The following RYR2 variants were observed in gnomAD, a reference collection of about 807,000 sequenced individuals.
RYR2 encodes the protein ryanodine receptor 2.
RYR2 carries 227 observed loss-of-function variants against 601.1 expected under a neutral mutation model. That is an observed-to-expected ratio of 0.38 (90% CI 0.34 to 0.42). The LOEUF (loss-of-function observed/expected upper bound fraction) is 0.42, where lower values mean the gene tolerates loss of function less well. Ranked by LOEUF, RYR2 falls within the 10% of genes least tolerant of loss-of-function variation. The pLI is 1.00. For synonymous variants in RYR2, 2,223 were observed against 2,175.1 expected (o/e 1.02, Z -0.61); for missense variants, 4,646 against 6,156.5 (o/e 0.75, Z 8.21).
Position 237,387,181 on chromosome 1 carries a change from A to G in RYR2, c.577-100A>G, listed in dbSNP as rs1702014298. 6.8e-6 allele frequency: 7 copies of G among 1,025,972 alleles called. No homozygotes were observed. In the Admixed American group the frequency reaches 6.9e-5, roughly 10 times the overall value. 63.6% of individuals were successfully genotyped at this position (1,025,972 alleles called of 1,614,324 possible). ...GTTGAAACAGATGTTCTCTATGAAC[A>G]TAACCAAATCAGCAACGTTAAGTTT... On this transcript the variant is annotated intron_variant, in intron 8 of 104. Coordinates refer to ENST00000366574, the MANE Select transcript of RYR2 (RefSeq NM_001035.3).
At chr1:237,678,204 C>T in intron 61 of RYR2, 92 bp downstream of exon 61, 1 of 701,288 alleles carries the variant, frequency 1.4e-6, no homozygotes, top group South Asian at 1.6e-5. Flanking sequence ...ACATACTTGT[C>T]TACAAATGTG....
intron 8 of RYR2, among the ~76,000 whole-genome samples, chr1:237,380,713 G>A (rs1419603575): frequency 3.3e-5 from 5 of 151,658 alleles, no homozygotes; most frequent in African/African-American, 7.3e-5. Context: ...AGGCCAAGGC[G>A]GGAGGATCAC....
intron 1 of RYR2, among the ~76,000 whole-genome samples, chr1:237,119,603 G>A (rs1670549319): frequency 6.6e-6 from 1 of 152,114 alleles, no homozygotes; most frequent in Admixed American, 6.5e-5. Context: ...CAGTTTGTTT[G>A]GAGGATCACA....
intron 1 of RYR2, among the ~76,000 whole-genome samples, chr1:237,131,725 T>G (rs1197401598): frequency 1.3e-5 from 2 of 152,142 alleles, no homozygotes; most frequent in South Asian, 4.2e-4. Flanking sequence ...CTTTCAAATC[T>G]GCATTTTTTT....
At chr1:237,205,167 A>C (rs1320366025) in intron 1 of RYR2, among the ~76,000 whole-genome samples, 2 of 152,240 alleles carry the variant, frequency 1.3e-5, no homozygotes, top group African/African-American at 4.8e-5. Context: ...ATGGTTTTCT[A>C]GAACACAGGC....
chr1:237,644,730 T>A (rs753474565), intron 48 of RYR2, among the ~76,000 whole-genome samples: 1 of 152,040 alleles, frequency 6.6e-6, no homozygotes, highest in South Asian at 2.1e-4. Flanking sequence ...CTTCTAATTG[T>A]AGAACAAAAC....
chr1:237,687,577 G>C, intron 63 of RYR2, 73 bp downstream of exon 63: 1 of 1,108,514 alleles, frequency 9.0e-7, no homozygotes, highest in Non-Finnish European at 1.4e-6. Context: ...ACTGTGTTGT[G>C]TGCTGCTATG....
intron 84 of RYR2, among the ~76,000 whole-genome samples, chr1:237,768,318 T>C (rs2250042): frequency 0.2 from 29,838 of 152,130 alleles, 3,068 homozygotes; most frequent in South Asian, 0.28. Context: ...ATATTAACCT[T>C]TCCACAATTT....
chr1:237,682,591 C>G (rs1242398278), intron 62 of RYR2, among the ~76,000 whole-genome samples: 1 of 152,012 alleles, frequency 6.6e-6, no homozygotes, highest in African/African-American at 2.4e-5. Flanking sequence ...ATAGGCTATA[C>G]CATTTAGGTT....
intron 1 of RYR2, among the ~76,000 whole-genome samples, chr1:237,049,553 G>T (rs1456489784): frequency 6.6e-6 from 1 of 152,128 alleles, no homozygotes; most frequent in Non-Finnish European, 1.5e-5. Flanking sequence ...CATTCTGCAG[G>T]ATGAGCATAA....
Position 237,659,918 on chromosome 1 carries a change from C to T in RYR2, c.8209-67C>T, listed in dbSNP as rs372240995. ...ATTTTATCAAACACGCACTTAAACA[C>T]CTGCATATCTACAATCTCTAAAATT... On this transcript the variant is annotated intron_variant, in intron 54 of 104. Transcript: ENST00000366574. 47 of 1,010,158 alleles carry T rather than the reference C, an allele frequency of 4.7e-5. No homozygotes were observed. In the African/African-American group the frequency reaches 7.4e-4, roughly 16 times the overall value. 62.6% of individuals were successfully genotyped at this position (1,010,158 alleles called of 1,614,324 possible). A position where few individuals can be genotyped will look rare whatever the true frequency, so the allele number is the denominator to read the frequency against.
chr1:237,770,721 C>T, intron 84 of RYR2, 86 bp from the exon 85 acceptor site: 1 of 809,484 alleles, frequency 1.2e-6, no homozygotes. Flanking sequence ...GCTAGATCAA[C>T]ATGCAAGTTG....
chr1:237,588,274 C>A (rs1421150310), intron 29 of RYR2, among the ~76,000 whole-genome samples: 2 of 152,046 alleles, frequency 1.3e-5, no homozygotes, highest in Non-Finnish European at 2.9e-5. Context: ...TGGGTAAAAT[C>A]ATTATGAATT....
intron 1 of RYR2, among the ~76,000 whole-genome samples, chr1:237,148,301 C>A: frequency 6.6e-6 from 1 of 151,606 alleles, no homozygotes; most frequent in East Asian, 1.9e-4. Flanking sequence ...GGGAGTTGAA[C>A]AATGAGAACA....
At chr1:237,511,849 A>AAAAC in intron 24 of RYR2, 58 bp downstream of exon 24, 1 of 994,820 alleles carries the variant, frequency 1.0e-6, no homozygotes, top group Non-Finnish European at 1.4e-6. Flanking sequence ...AAAAAAAAAA[A>AAAAC]AAAAAAAAAA....
chr1:237,636,586 G>A (rs1680896496), intron 44 of RYR2, among the ~76,000 whole-genome samples: 1 of 152,182 alleles, frequency 6.6e-6, no homozygotes, highest in African/African-American at 2.4e-5. Flanking sequence ...GATGAGTAAT[G>A]GTACAGCCAG....
chr1:237,528,766 C>T (rs374162412), intron 24 of RYR2, among the ~76,000 whole-genome samples: 6 of 152,246 alleles, frequency 3.9e-5, no homozygotes, highest in African/African-American at 1.2e-4. Context: ...TCGGTCTGGA[C>T]TCACATTAAC....
intron 73 of RYR2, 69 bp downstream of exon 73, chr1:237,718,590 A>G: frequency 1.3e-6 from 1 of 741,074 alleles, no homozygotes; most frequent in Non-Finnish European, 2.3e-6. Context: ...TTAAAATAAT[A>G]CTATAAATAA....
At chr1:237,645,868 C>CTTT (rs1001580851) in intron 48 of RYR2, among the ~76,000 whole-genome samples, 1 of 136,514 alleles carries the variant, frequency 7.3e-6, no homozygotes, top group African/African-American at 2.6e-5. Context: ...TAGATCTCTG[C>CTTT]TTTTTTTTTT....
Sources: gnomAD v4.1 joint callset for allele counts (sites outside exome capture counted in the v4.1 genomes callset) on GRCh38, gnomAD v4.1.1 for gene constraint, MANE v1.5 for transcripts, NCBI Gene and HGNC (gene_info 2026-07-23, HGNC 2026-07-21) for gene names.